Variants in TASP1 observed in about 807,000 individuals in gnomAD.
TASP1 encodes threonine aspartase 1.
Under a neutral mutation model 56.6 loss-of-function variants are expected in TASP1, and 16 were observed. The observed-to-expected ratio is 0.28, with a 90% CI of 0.19 to 0.43. TASP1 has a LOEUF of 0.43. Among genes scored for constraint, TASP1 ranks in the 20% least tolerant of loss-of-function variants. The pLI is 1.00. For synonymous variants in TASP1, 179 were observed against 184.2 expected (o/e 0.97, Z 0.23); for missense variants, 393 against 511.6 (o/e 0.77, Z 2.24).
chr20:13,164,374 G>A, the TASP1 span: 1 of 473,358 alleles, frequency 2.1e-6, no homozygotes, highest in Non-Finnish European at 4.4e-6. Flanking sequence ...GCTGTGTCAT[G>A]AAGATATAAC....
chr20:13,227,812 C>G, the TASP1 span, among the ~76,000 whole-genome samples: 1 of 151,656 alleles, frequency 6.6e-6, no homozygotes, highest in Non-Finnish European at 1.5e-5. Flanking sequence ...CCGGCCCCAA[C>G]TTTTTAATTT....
At chr20:13,594,096 G>C (rs1388219324) in intron 4 of TASP1, among the ~76,000 whole-genome samples, 1 of 152,168 alleles carries the variant, frequency 6.6e-6, no homozygotes, top group African/African-American at 2.4e-5. Context: ...GTCTGGAGTG[G>C]ACCTCTAGCA....
the TASP1 span, among the ~76,000 whole-genome samples, chr20:13,111,605 G>C: frequency 6.6e-6 from 1 of 152,284 alleles, no homozygotes; most frequent in South Asian, 2.1e-4. Context: ...ACTCTGGGCT[G>C]TCATAACCTC....
chr20:13,529,267 C>T (rs143723086), intron 9 of TASP1, among the ~76,000 whole-genome samples: 1 of 152,202 alleles, frequency 6.6e-6, no homozygotes, highest in Non-Finnish European at 1.5e-5. Context: ...CAGATTATGA[C>T]AATCATTCCT....
chr20:13,598,363 C>A (rs1448155083), intron 4 of TASP1, among the ~76,000 whole-genome samples: 1 of 152,088 alleles, frequency 6.6e-6, no homozygotes, highest in Non-Finnish European at 1.5e-5. Flanking sequence ...GAACAGAGGC[C>A]TCAGAAATAA....
At chr20:13,122,871 T>C in the TASP1 span, among the ~76,000 whole-genome samples, 9 of 152,202 alleles carry the variant, frequency 5.9e-5, no homozygotes, top group Non-Finnish European at 8.8e-5. Context: ...CTGAAAATCC[T>C]TGGTTTGATG....
At chr20:13,565,320 A>G (rs1174166064) in intron 7 of TASP1, among the ~76,000 whole-genome samples, 1 of 152,194 alleles carries the variant, frequency 6.6e-6, no homozygotes, top group African/African-American at 2.4e-5. Flanking sequence ...AAGGTTGGAT[A>G]TAACACCAAA....
chr20:13,595,024 T>C (rs144354302), intron 4 of TASP1, among the ~76,000 whole-genome samples: 3 of 152,336 alleles, frequency 2.0e-5, no homozygotes, highest in Admixed American at 6.5e-5. Flanking sequence ...TAACAGCTGA[T>C]TTCTTGGTGG....
the TASP1 span, among the ~76,000 whole-genome samples, chr20:13,380,392 A>G: frequency 6.6e-6 from 1 of 152,134 alleles, no homozygotes; most frequent in Non-Finnish European, 1.5e-5. Flanking sequence ...TTGCCTGGGT[A>G]TCACCAGCAG....
intron 10 of TASP1, among the ~76,000 whole-genome samples, chr20:13,508,109 C>T (rs2044196488): frequency 6.6e-6 from 1 of 151,436 alleles, no homozygotes. Context: ...TACCTAGACT[C>T]CTGGAAGAGT....
the TASP1 span, among the ~76,000 whole-genome samples, chr20:13,172,550 T>C: frequency 6.6e-6 from 1 of 152,130 alleles, no homozygotes; most frequent in Non-Finnish European, 1.5e-5. Flanking sequence ...GTATTTGTCT[T>C]TTGCACATTT....
At chr20:13,406,646 T>C (rs538701899) in intron 13 of TASP1, among the ~76,000 whole-genome samples, 1 of 150,802 alleles carries the variant, frequency 6.6e-6, no homozygotes, top group East Asian at 2.0e-4. Context: ...TCCTTGGATA[T>C]CTCATATTTT....
At chr20:13,416,037 C>A (rs1044046699) in intron 13 of TASP1, among the ~76,000 whole-genome samples, 2 of 152,078 alleles carry the variant, frequency 1.3e-5, no homozygotes, top group African/African-American at 4.8e-5. Context: ...ATTCATTAAA[C>A]CTGTGCTGTT....
the TASP1 span, among the ~76,000 whole-genome samples, chr20:13,372,398 G>T: frequency 6.6e-6 from 1 of 151,880 alleles, no homozygotes; most frequent in African/African-American, 2.4e-5. Context: ...CCGTATCCTG[G>T]GCTCTCCTGA....
At chr20:13,580,737 ATC>A (rs2047090589) in intron 6 of TASP1, among the ~76,000 whole-genome samples, 158 bp downstream of exon 6, 1 of 152,192 alleles carries the variant, frequency 6.6e-6, no homozygotes, top group Admixed American at 6.5e-5. Context: ...ATTCTTTTCT[ATC>A]CAAAACTTTA....
At chr20:13,495,912 C>G (rs1274779363) in intron 10 of TASP1, among the ~76,000 whole-genome samples, 2 of 152,134 alleles carry the variant, frequency 1.3e-5, no homozygotes, top group Admixed American at 1.3e-4. Context: ...AGGAAATTCA[C>G]AGAATGCCCC....
chr20:13,254,226 C>A, the TASP1 span, among the ~76,000 whole-genome samples: 2 of 149,366 alleles, frequency 1.3e-5, no homozygotes, highest in Non-Finnish European at 3.0e-5. Context: ...GAGCAAAACT[C>A]CATCTCAAAA....
chr20:13,154,174 C>G, the TASP1 span: 1 of 1,610,760 alleles, frequency 6.2e-7, no homozygotes, highest in Non-Finnish European at 8.5e-7. Context: ...CACACCTAAA[C>G]CCCAAGGTGA....
chr20:13,377,697 T>C, the TASP1 span, among the ~76,000 whole-genome samples: 1 of 152,218 alleles, frequency 6.6e-6, no homozygotes, highest in Non-Finnish European at 1.5e-5. Flanking sequence ...TGAATCCATC[T>C]GGTCCTAGGT....
Sources: gnomAD v4.1 joint callset for allele counts (sites outside exome capture counted in the v4.1 genomes callset) on GRCh38, gnomAD v4.1.1 for gene constraint, MANE v1.5 for transcripts, NCBI Gene and HGNC (gene_info 2026-07-23, HGNC 2026-07-21) for gene names.